Variants in TRIM17 observed in about 807,000 individuals in gnomAD.
The protein encoded by TRIM17 is E3 ubiquitin-protein ligase TRIM17.
TRIM17 carries 27 observed loss-of-function variants against 35.8 expected under a neutral mutation model. The ratio of observed to expected loss-of-function variants is 0.75; its 90% confidence interval spans 0.56 to 1.04. TRIM17 has a LOEUF of 1.04. Among genes scored for constraint, TRIM17 ranks in the 50% least tolerant of loss-of-function variants. TRIM17 has a pLI of 0.00. For synonymous variants in TRIM17, 246 were observed against 252.6 expected (o/e 0.97, Z 0.25); for missense variants, 582 against 612.8 (o/e 0.95, Z 0.53).
chr1:228,408,164 A>C lies in TRIM17; in HGVS notation c.*37T>G. 6.6e-7 allele frequency: 1 copy of C among 1,504,942 alleles called. No homozygotes were observed. Among genetic ancestry groups the C allele is most frequent in the Non-Finnish European group, 8.9e-7 (1 of 1,126,508 alleles). The allele number at this position is 1,504,942 out of a possible 1,614,324, so 93.2% of individuals were successfully genotyped here. A position where few individuals can be genotyped will look rare whatever the true frequency, so the allele number is the denominator to read the frequency against. The stretch of plus-strand genomic sequence containing the variant: ...TAAGCAGAAGGCCCACACCTTCTGC[A>C]GAGCCAGGAGCAGTGCCCGAGTCCC... On this transcript the variant is annotated 3_prime_UTR_variant, in exon 7 of 7. Transcript: ENST00000366698. The surrounding 1 kb of genome is among the most constrained non-coding windows in gnomAD (Gnocchi z 6.3).
chr1:228,410,794 G>A lies in TRIM17; in HGVS notation c.756+152C>T, dbSNP rs1301049173. ...GGCTCAGGAGGAACCAGGCCTGCCC[G>A]CACCTTGGCCTCAGCCACCCAGCCT... On this transcript the variant is annotated intron_variant, in intron 4 of 6. Transcript: ENST00000366698. The surrounding 1 kb of genome is among the most constrained non-coding windows in gnomAD (Gnocchi z 4.6). 8.2e-6 allele frequency: 5 copies of A among 606,464 alleles called. No individual in the cohort carries two copies. Among genetic ancestry groups the A allele is most frequent in the East Asian group, 5.7e-5 (2 of 35,090 alleles). The allele number at this position is 606,464 out of a possible 1,614,324, so 37.6% of individuals were successfully genotyped here.
Position 228,408,425 on chromosome 1 carries a change from A to G in TRIM17, c.1210T>C (p.Ser404Pro), listed in dbSNP as rs750382376. ...ATCAGCATGACCGGGGTTAGGGCAGAGAAGGTGGATAAGTACTTGGTCCCC... is the reference window on the plus strand; with the variant it reads ...ATCAGCATGACCGGGGTTAGGGCAGGGAAGGTGGATAAGTACTTGGTCCCC... ...SKGTKYLSTF[S>P]ALTPVMLMEP... Residue 404 changes from serine (S) to proline (P), a missense_variant, in exon 7 of 7, where the codon TCT becomes CCT. Transcript: ENST00000366698. This position sits in a 1 kb window ranked among gnomAD's most constrained non-coding sequence, Gnocchi z 6.3. 1.9e-6 allele frequency: 3 copies of G among 1,614,078 alleles called. No individual in the cohort carries two copies. In the African/African-American group the frequency reaches 4.0e-5, roughly 22 times the overall value.
In TRIM17 at chr1:228,408,154, C is replaced by G. The variant is rs748095602; in HGVS notation, c.*47G>C. ...TGGCCTGCAGTAAGCAGAAGGCCCA[C>G]ACCTTCTGCAGAGCCAGGAGCAGTG... is the stretch of plus-strand genomic sequence containing the variant. On this transcript the variant is annotated 3_prime_UTR_variant, in exon 7 of 7. Transcript: ENST00000366698. This position sits in a 1 kb window ranked among gnomAD's most constrained non-coding sequence, Gnocchi z 6.3. The G allele has an allele frequency of 1.3e-6, 2 of 1,497,472 alleles. No homozygotes were observed. The highest frequency in any genetic ancestry group is 4.6e-5 in the Admixed American group (2 of 43,338). 92.8% of individuals were successfully genotyped at this position (1,497,472 alleles called of 1,614,324 possible). A position where few individuals can be genotyped will look rare whatever the true frequency, so the allele number is the denominator to read the frequency against.
chr1:228,409,539 A>G (rs1298896170), intron 4 of TRIM17, 128 bp from the exon 5 acceptor site: 5 of 906,268 alleles, frequency 5.5e-6, no homozygotes, highest in African/African-American at 1.7e-5. Context: ...CCTTCCCACA[A>G]TTGAGCTTCA....
chr1:228,415,245 C>A (rs1404151022), intron 1 of TRIM17, 132 bp from the exon 2 acceptor site: 1 of 720,586 alleles, frequency 1.4e-6, no homozygotes, highest in Non-Finnish European at 2.2e-6. Flanking sequence ...TCATTTTTAG[C>A]CTTGTCAACA....
rs1378078307 is a variant in TRIM17 at position 228,416,718 on chromosome 1, A to C, written c.-221T>G. On this transcript the variant is annotated 5_prime_UTR_variant, in exon 1 of 7. Transcript: ENST00000366698. ...AGCGGGGGCTGGGGGGCGGCGGGGG[A>C]GGGGAATGCTGGGCGAGGGAGTGTT... 32 of 267,996 alleles carry C rather than the reference A, an allele frequency of 1.2e-4. No individual in the cohort carries two copies. The highest frequency in any genetic ancestry group is 1.4e-4 in the Non-Finnish European group (32 of 231,372). 16.6% of individuals were successfully genotyped at this position (267,996 alleles called of 1,614,324 possible).
intron 1 of TRIM17, 34 bp from the exon 2 acceptor site, chr1:228,415,147 T>C (rs1657030758): frequency 2.7e-6 from 4 of 1,496,630 alleles, no homozygotes; most frequent in Non-Finnish European, 3.6e-6. Flanking sequence ...CCCGATGATC[T>C]GGGCGCCGGC....
chr1:228,409,124 C>T lies in TRIM17; in HGVS notation c.883+48G>A, dbSNP rs190591765. 383 of 1,614,008 alleles carry T rather than the reference C, an allele frequency of 2.4e-4. No individual in the cohort carries two copies. In the African/African-American group the frequency reaches 2.6e-3, roughly 11 times the overall value. On this transcript the variant is annotated intron_variant, in intron 6 of 6. Coordinates refer to ENST00000366698, the MANE Select transcript of TRIM17 (RefSeq NM_016102.4). ...GAGGCTAGGGGGTACAGTGGGGCATCGCCAAGAGATCCTGGGTCAGAGGTC... is the reference window on the plus strand; with the variant it reads ...GAGGCTAGGGGGTACAGTGGGGCATTGCCAAGAGATCCTGGGTCAGAGGTC...
chr1:228,410,934 C>A lies in TRIM17; in HGVS notation c.756+12G>T. 1 of 1,516,226 alleles carries A rather than the reference C, an allele frequency of 6.6e-7. No individual in the cohort carries two copies. 93.9% of individuals were successfully genotyped at this position (1,516,226 alleles called of 1,614,324 possible). On this transcript the variant is annotated intron_variant, in intron 4 of 6. Transcript: ENST00000366698. The surrounding 1 kb of genome is among the most constrained non-coding windows in gnomAD (Gnocchi z 4.6). ...TCACATCCCACCCTGCCTGCCAAGCCTACTGGCTCACCTGCAGCATCTGGA... is the reference window on the plus strand; with the variant it reads ...TCACATCCCACCCTGCCTGCCAAGCATACTGGCTCACCTGCAGCATCTGGA...
intron 4 of TRIM17, chr1:228,409,665 C>T (rs1656671530): frequency 9.0e-6 from 4 of 442,336 alleles, no homozygotes; most frequent in South Asian, 1.4e-4. Flanking sequence ...GGTCCTGCAA[C>T]TCAGGAGAGG....
Position 228,414,763 on chromosome 1 carries a change from C to T in TRIM17, c.310G>A (p.Glu104Lys), listed in dbSNP as rs1005349820. The T allele has an allele frequency of 5.0e-6, 8 of 1,612,908 alleles. No individual in the cohort carries two copies. Among genetic ancestry groups the T allele is most frequent in the Middle Eastern group, 1.9e-4 (1 of 5,312 alleles). Reference protein sequence around the residue: ...QKQDLCQEHHEPLKLFCQKDQ... With the variant: ...QKQDLCQEHHKPLKLFCQKDQ... ...TTCTGGCAGAAAAGCTTGAGGGGCT[C>T]GTGGTGCTCCTGGCACAGGTCTTGC... The change falls in exon 2 of 7, where the codon GAG (glutamate) becomes AAG (lysine). Residue 104 changes from glutamate (E) to lysine (K), a missense_variant. Transcript: ENST00000366698.
rs977322684 is a variant in TRIM17, at chr1:228,411,563, G to A, written c.526-387C>T. On this transcript the variant is annotated intron_variant, in intron 3 of 6. Transcript: ENST00000366698. This position sits in a 1 kb window ranked among gnomAD's most constrained non-coding sequence, Gnocchi z 4.2. ...ATGCAGTGGCACTTATTGCAACCTT[G>A]ACCTCCTGGGCTCAAGTCATCTGAG... Among the ~76,000 whole-genome samples, 7 of 151,512 alleles carry A rather than the reference G, an allele frequency of 4.6e-5. No homozygotes were observed. The highest frequency in any genetic ancestry group is 8.8e-5 in the Non-Finnish European group (6 of 67,948).
intron 1 of TRIM17, chr1:228,415,717 A>G (rs1657080314): frequency 6.5e-6 from 1 of 152,962 alleles, no homozygotes; most frequent in Admixed American, 6.5e-5. Flanking sequence ...TCCATTCGGT[A>G]GTGAGGTGGG....
Position 228,411,104 on chromosome 1 carries a change from C to T in TRIM17, c.598G>A (p.Glu200Lys), listed in dbSNP as rs373965883. 62 of 1,614,056 alleles carry T rather than the reference C, an allele frequency of 3.8e-5. No individual in the cohort carries two copies. The highest frequency in any genetic ancestry group is 4.9e-5 in the Non-Finnish European group (58 of 1,180,026). Residue 200 changes from glutamate (E) to lysine (K), a missense_variant, in exon 4 of 7, where the codon GAG becomes AAG. Glu to Lys is a moderately conservative substitution (Grantham distance 56). Coordinates refer to ENST00000366698, the MANE Select transcript of TRIM17 (RefSeq NM_016102.4). This position sits in a 1 kb window ranked among gnomAD's most constrained non-coding sequence, Gnocchi z 4.2. ...EKMNLYLVEEEQRLLQALETE... is the reference protein window; with the variant it reads ...EKMNLYLVEEKQRLLQALETE... The stretch of plus-strand genomic sequence containing the variant: ...TCCAGAGCCTGGAGGAGCCTCTGCT[C>T]TTCTTCCACCAGGTAGAGGTTCATC...
At position 228,408,357 on chromosome 1, in the gene TRIM17, G is replaced by GGCTTCGAAGTCCAT; in HGVS notation, c.1277_1278insATGGACTTCGAAGC (p.Gly427TrpfsTer13). 6 of 1,614,106 alleles carry GGCTTCGAAGTCCAT rather than the reference G, an allele frequency of 3.7e-6. No homozygotes were observed. Among genetic ancestry groups the GGCTTCGAAGTCCAT allele is most frequent in the Non-Finnish European group, 5.1e-6 (6 of 1,180,002 alleles). On this transcript the variant is annotated frameshift_variant, in exon 7 of 7. Coordinates refer to ENST00000366698, the MANE Select transcript of TRIM17 (RefSeq NM_016102.4). LOFTEE classifies it low-confidence loss of function (END_TRUNC). The surrounding 1 kb of genome is among the most constrained non-coding windows in gnomAD (Gnocchi z 6.3). ...TTACACTGTAGAAGGACACTTCCCC[G>GGCTTCGAAGTCCAT]GCTTCGAAGTCCAGGAAGATGCCCA...
rs1558461203 is a variant in TRIM17, at chr1:228,416,649, G to A, written c.-152C>T. On this transcript the variant is annotated 5_prime_UTR_variant, in exon 1 of 7. Transcript: ENST00000366698. ...CCAGGAGGCTGCGGCCCGGCCCGGG[G>A]CGTGGGGACCTGGGGTCGGGAGGCC... 2 of 985,360 alleles carry A rather than the reference G, an allele frequency of 2.0e-6. No individual in the cohort carries two copies. The highest frequency in any genetic ancestry group is 1.7e-5 in the African/African-American group (1 of 57,186). The allele number at this position is 985,360 out of a possible 1,614,324, so 61.0% of individuals were successfully genotyped here.
rs778749935 is a variant in TRIM17, at chr1:228,409,035, A to G, written c.883+137T>C. 118 of 1,608,596 alleles carry G rather than the reference A, an allele frequency of 7.3e-5. No individual in the cohort carries two copies. Among genetic ancestry groups the G allele is most frequent in the African/African-American group, 1.6e-4 (12 of 74,658 alleles). On this transcript the variant is annotated intron_variant, in intron 6 of 6. Coordinates refer to ENST00000366698, the MANE Select transcript of TRIM17 (RefSeq NM_016102.4). ...CAGTAACGCCGCCCTACGAAGGCAC[A>G]GTGAATAGCCAGTGACCGTCACCAG...
rs765106355 is a variant in TRIM17 at position 228,414,692 on chromosome 1, G to T, written c.381C>A (p.His127Gln). 1 of 1,611,950 alleles carries T rather than the reference G, an allele frequency of 6.2e-7. No individual in the cohort carries two copies. Among genetic ancestry groups the T allele is most frequent in the Non-Finnish European group, 8.5e-7 (1 of 1,180,032 alleles). The part of the protein sequence containing the change: ...ICVVCRESRE[H>Q]RLHRVLPAEE... ...CGGCGGGCAGCACCCTGTGCAGCCG[G>T]TGCTCCCGGGACTCCCTGCACACCA... The change falls in exon 2 of 7, where the codon CAC (histidine) becomes CAA (glutamine). Residue 127 changes from histidine (H) to glutamine (Q), a missense_variant. His to Gln is a conservative substitution (Grantham distance 24, BLOSUM62 0). Transcript: ENST00000366698.
At chr1:228,414,574 G>C in intron 2 of TRIM17, 70 bp downstream of exon 2, 1 of 1,380,126 alleles carries the variant, frequency 7.2e-7, no homozygotes, top group East Asian at 2.3e-5. Flanking sequence ...CCTCCCCCAT[G>C]ATCTGGGTCA....
Sources: allele counts gnomAD v4.1 joint callset (sites outside exome capture counted in the v4.1 genomes callset), GRCh38; gene constraint gnomAD v4.1.1; non-coding constraint Gnocchi (gnomAD v3.1); transcripts MANE v1.5; gene names NCBI Gene and HGNC (gene_info 2026-07-23, HGNC 2026-07-21).